CCDC18: variants seen among roughly 807,000 people sequenced by gnomAD.
CCDC18 encodes coiled-coil domain-containing protein 18.
A neutral mutation model predicts 196.0 loss-of-function variants in CCDC18; 157 were observed. That is an observed-to-expected ratio of 0.80 (90% CI 0.70 to 0.91). The LOEUF (loss-of-function observed/expected upper bound fraction) is 0.91. Ranked by LOEUF, CCDC18 falls within the 40% of genes least tolerant of loss-of-function variation. The probability of loss-of-function intolerance (pLI) is 0.00; values close to 1 mark genes in which losing one functional copy is unlikely to be tolerated. For missense variants in CCDC18, 1,465 were observed against 1,611.6 expected, an observed-to-expected ratio of 0.91 and a Z score of 1.56; for synonymous variants, 482 against 529.2, an observed-to-expected ratio of 0.91 and a Z score of 1.22.
chr1:93,183,468 T>G lies in CCDC18; in HGVS notation c.107T>G (p.Leu36Trp), dbSNP rs764640807. 2 of 1,603,672 alleles carry G rather than the reference T, an allele frequency of 1.2e-6. No individual in the cohort carries two copies. Among genetic ancestry groups the G allele is most frequent in the Non-Finnish European group, 1.7e-6 (2 of 1,175,010 alleles). The change falls in exon 2 of 29, where the codon TTG becomes TGG. Residue 36 changes from leucine (L) to tryptophan (W), a missense_variant. Leu to Trp is a moderately conservative substitution (Grantham distance 61). Coordinates refer to ENST00000690025, the MANE Select transcript of CCDC18 (RefSeq NM_001378204.1). Reference protein sequence around the residue: ...RHELKITEWSLQSLGEELSSV... With the variant: ...RHELKITEWSWQSLGEELSSV... ...GAACTGAAGATAACAGAATGGAGTT[T>G]GCAGAGTTTAGGGGAAGAGTTATCC...
chr1:93,245,897 C>A (rs973582051), intron 21 of CCDC18, among the ~76,000 whole-genome samples: 3 of 152,052 alleles, frequency 2.0e-5, no homozygotes, highest in Non-Finnish European at 4.4e-5. Flanking sequence ...AACTTTTACC[C>A]TTTTAGAATA....
rs1214908390 is a variant in CCDC18, at chr1:93,246,928, T to C, written c.3172T>C (p.Leu1058=). 8.6e-6 allele frequency: 12 copies of C among 1,392,246 alleles called. No individual in the cohort carries two copies. The highest frequency in any genetic ancestry group is 2.1e-5 in the Admixed American group (1 of 48,210). The allele number at this position is 1,392,246 out of a possible 1,614,324, so 86.2% of individuals were successfully genotyped here. ...AGAAGGTACTCTGGAGAAATCAGAA[T>C]TGGAACTTAAAGAATGTAACAAACA... ...KLEGTLEKSE[L]ELKECNKQIE... The change falls in exon 23 of 29, where the codon TTG becomes CTG. Residue 1058 remains leucine, a synonymous_variant. Transcript: ENST00000690025.
chr1:93,189,154 C>T (rs1557600006), intron 4 of CCDC18, among the ~76,000 whole-genome samples: 1 of 152,132 alleles, frequency 6.6e-6, no homozygotes, highest in Admixed American at 6.5e-5. Flanking sequence ...GGTAACCATC[C>T]TTTTACTCTC....
At chr1:93,265,086 A>G in intron 27 of CCDC18, 185 bp downstream of exon 27, 3 of 523,550 alleles carry the variant, frequency 5.7e-6, no homozygotes, top group Non-Finnish European at 6.9e-6. Flanking sequence ...TTATTACCGT[A>G]GAAGATATAA....
intron 16 of CCDC18, among the ~76,000 whole-genome samples, chr1:93,224,955 T>TA: frequency 6.6e-6 from 1 of 152,362 alleles, no homozygotes; most frequent in South Asian, 2.1e-4. Context: ...CATTCAGAAT[T>TA]ACAGATTTTT....
At chr1:93,187,078 A>G (rs1280610760) in intron 4 of CCDC18, among the ~76,000 whole-genome samples, 1 of 152,016 alleles carries the variant, frequency 6.6e-6, no homozygotes, top group Non-Finnish European at 1.5e-5. Context: ...CCTGTATTTC[A>G]GTGGTTTCCT....
At chr1:93,250,710 A>T (rs637198) in intron 23 of CCDC18, among the ~76,000 whole-genome samples, 43,576 of 152,068 alleles carry the variant, frequency 0.29, 9,457 homozygotes, top group African/African-American at 0.61. Flanking sequence ...TTTATCATTA[A>T]ATACTGGCCT....
chr1:93,220,240 A>G lies in CCDC18; in HGVS notation c.1963-1369A>G, dbSNP rs200822866. Among the ~76,000 whole-genome samples the G allele has an allele frequency of 3.9e-5, 6 of 152,220 alleles. 1 individual carries two copies. The East Asian group carries it at 1.2e-3, about 29-fold the overall frequency. ...AAGAAGATGGAACAACATTTTTTAA[A>G]TGCTGAAAGAGAAAAAAACTGTCAT... On this transcript the variant is annotated intron_variant, in intron 14 of 28. Coordinates refer to ENST00000690025, the MANE Select transcript of CCDC18 (RefSeq NM_001378204.1).
At chr1:93,258,720 A>C in intron 25 of CCDC18, 28 bp from the exon 26 acceptor site, 1 of 1,494,670 alleles carries the variant, frequency 6.7e-7, no homozygotes, top group Non-Finnish European at 8.9e-7. Flanking sequence ...CAAGTTTTAT[A>C]GCTTTTACTC....
intron 9 of CCDC18, among the ~76,000 whole-genome samples, chr1:93,207,863 AT>A: frequency 6.6e-6 from 1 of 152,332 alleles, no homozygotes; most frequent in East Asian, 1.9e-4. Flanking sequence ...TTTTCTGGAC[AT>A]TTCACATAAA....
At chr1:93,200,949 T>C (rs1653725829) in intron 6 of CCDC18, among the ~76,000 whole-genome samples, 1 of 152,220 alleles carries the variant, frequency 6.6e-6, no homozygotes. Flanking sequence ...CACTCAGGAA[T>C]TGATTATATT....
intron 4 of CCDC18, among the ~76,000 whole-genome samples, chr1:93,189,031 A>G (rs1010005712): frequency 3.3e-5 from 5 of 152,186 alleles, no homozygotes; most frequent in Non-Finnish European, 7.4e-5. Context: ...ATTATTGACT[A>G]TAGTCACCCT....
At chr1:93,182,415 C>A (rs886535897) in intron 1 of CCDC18, among the ~76,000 whole-genome samples, 1 of 152,072 alleles carries the variant, frequency 6.6e-6, no homozygotes, top group Admixed American at 6.5e-5. Flanking sequence ...GGACTTTTAA[C>A]CTTTTGGAAC....
chr1:93,255,562 C>G (rs1287417915), intron 24 of CCDC18, among the ~76,000 whole-genome samples: 2 of 152,062 alleles, frequency 1.3e-5, no homozygotes, highest in Admixed American at 6.6e-5. Context: ...AGTGGGACCC[C>G]TGTCTCTACA....
intron 23 of CCDC18, among the ~76,000 whole-genome samples, chr1:93,250,115 GA>G (rs1369083776): frequency 6.6e-6 from 1 of 151,868 alleles, no homozygotes; most frequent in Non-Finnish European, 1.5e-5. Context: ...AAAATTTGAT[GA>G]GACTTATTTT....
intron 16 of CCDC18, 33 bp from the exon 17 acceptor site, chr1:93,226,298 GTT>G (rs34227600): frequency 0.03 from 17,150 of 574,494 alleles, 1 homozygote; most frequent in Non-Finnish European, 0.033. Context: ...ATCGTTTTGT[GTT>G]TTTTTTTTTT....
At chr1:93,258,055 CAT>C (rs1361122166) in intron 25 of CCDC18, among the ~76,000 whole-genome samples, 2 of 149,172 alleles carry the variant, frequency 1.3e-5, no homozygotes, top group Non-Finnish European at 3.0e-5. Context: ...AATTAAAAGA[CAT>C]TAATTAAAAT....
intron 6 of CCDC18, chr1:93,199,879 T>TG (rs1350264361): frequency 1.3e-5 from 2 of 152,824 alleles, no homozygotes; most frequent in Non-Finnish European, 2.9e-5. Flanking sequence ...AAGGGGGACT[T>TG]GCAGGTGCCC....
intron 6 of CCDC18, among the ~76,000 whole-genome samples, chr1:93,199,297 T>C (rs1653385661): frequency 6.6e-6 from 1 of 152,240 alleles, no homozygotes; most frequent in African/African-American, 2.4e-5. Flanking sequence ...CCAGCCACTA[T>C]ACATAGCCAG....
Sources: gnomAD v4.1 joint callset for allele counts (sites outside exome capture counted in the v4.1 genomes callset) on GRCh38, gnomAD v4.1.1 for gene constraint, MANE v1.5 for transcripts, NCBI Gene and HGNC (gene_info 2026-07-23, HGNC 2026-07-21) for gene names.